Variants in DYNC1I2 observed in about 807,000 individuals in gnomAD.
DYNC1I2 encodes the protein dynein cytoplasmic 1 intermediate chain 2, also known as cytoplasmic dynein 1 intermediate chain 2.
Under a neutral mutation model 88.6 loss-of-function variants are expected in DYNC1I2, and 53 were observed. That is an observed-to-expected ratio of 0.60 (90% confidence interval 0.48 to 0.75). DYNC1I2 has a LOEUF of 0.75. Ranked by LOEUF, DYNC1I2 falls within the 30% of genes least tolerant of loss-of-function variation. DYNC1I2 has a pLI of 0.00. For missense variants in DYNC1I2, 458 were observed against 766.6 expected (o/e 0.60, Z 4.75); for synonymous variants, 198 against 254.6 (o/e 0.78, Z 2.12).
chr2:171,716,627 G>A (rs1687512217), intron 7 of DYNC1I2, among the ~76,000 whole-genome samples: 1 of 152,084 alleles, frequency 6.6e-6, no homozygotes, highest in Admixed American at 6.5e-5. Flanking sequence ...TTAGGATTGT[G>A]GCCGGACGTG....
At chr2:171,721,310 A>G (rs560603275) in intron 7 of DYNC1I2, among the ~76,000 whole-genome samples, 81 of 152,104 alleles carry the variant, frequency 5.3e-4, no homozygotes, top group Non-Finnish European at 9.0e-4. Context: ...AAGAAACCCA[A>G]GTGACCTTGC....
chr2:171,724,421 A>G (rs918583124), intron 7 of DYNC1I2, among the ~76,000 whole-genome samples: 4 of 152,192 alleles, frequency 2.6e-5, no homozygotes, highest in Non-Finnish European at 4.4e-5. Context: ...GGAGAGACAC[A>G]GGATTGGAAG....
chr2:171,728,064 T>C, intron 12 of DYNC1I2, 97 bp downstream of exon 12: 1 of 1,379,852 alleles, frequency 7.2e-7, no homozygotes, highest in Non-Finnish European at 9.6e-7. Flanking sequence ...AGAATGTGCT[T>C]CCTTTGGTGT....
rs1312491510 is a variant in DYNC1I2 at position 171,750,042 on chromosome 2, A to G, written c.*2153A>G. Reference sequence around the variant, plus strand: ...GCTATAGCTTTCTGGTTAATTTCTTATTTTTCGTTGTTTGGTTTTTGTCTT... The same window carrying G: ...GCTATAGCTTTCTGGTTAATTTCTTGTTTTTCGTTGTTTGGTTTTTGTCTT... On this transcript the variant is annotated 3_prime_UTR_variant, in exon 18 of 18. Coordinates refer to ENST00000397119, the MANE Select transcript of DYNC1I2 (RefSeq NM_001378.3). Among the ~76,000 whole-genome samples the G allele has an allele frequency of 1.3e-5, 2 of 151,986 alleles. No homozygotes were observed. The highest frequency in any genetic ancestry group is 2.9e-5 in the Non-Finnish European group (2 of 67,968).
Position 171,744,091 on chromosome 2 carries a change from G to A in DYNC1I2, c.1579G>A (p.Val527Ile). 5 of 1,612,736 alleles carry A rather than the reference G, an allele frequency of 3.1e-6. No homozygotes were observed. Among genetic ancestry groups the A allele is most frequent in the Non-Finnish European group, 4.2e-6 (5 of 1,179,578 alleles). The change falls in exon 16 of 18, where the codon GTT becomes ATT. Residue 527 changes from valine (V) to isoleucine (I), a missense_variant. Around this residue, in one of 5 missense-constraint regions of DYNC1I2, gnomAD observed 188 missense variants for 300.4 expected, o/e 0.63. Coordinates refer to ENST00000397119, the MANE Select transcript of DYNC1I2 (RefSeq NM_001378.3). ...LYSFEDNADY[V>I]YDVMWSPTHP... ...TTCATTTGAAGATAATGCAGACTAT[G>A]TTTATGATGTTATGTGGTCACCTAC...
intron 2 of DYNC1I2, 42 bp from the exon 3 acceptor site, chr2:171,692,735 C>A (rs768230903): frequency 1.4e-6 from 2 of 1,416,284 alleles, no homozygotes; most frequent in Non-Finnish European, 1.9e-6. Context: ...ACAAATTTTT[C>A]ATACTATATG....
At chr2:171,718,652 C>T (rs1687689465) in intron 7 of DYNC1I2, among the ~76,000 whole-genome samples, 1 of 152,096 alleles carries the variant, frequency 6.6e-6, no homozygotes, top group African/African-American at 2.4e-5. Context: ...CCAGGATGGT[C>T]TCGATCTCCT....
At chr2:171,717,924 T>C (rs1687627244) in intron 7 of DYNC1I2, among the ~76,000 whole-genome samples, 1 of 152,190 alleles carries the variant, frequency 6.6e-6, no homozygotes, top group Non-Finnish European at 1.5e-5. Context: ...ATGCCTATTA[T>C]ATCTATAGTT....
At chr2:171,707,150 C>A in intron 4 of DYNC1I2, 137 bp from the exon 5 acceptor site, 14 of 1,225,590 alleles carry the variant, frequency 1.1e-5, no homozygotes, top group African/African-American at 1.5e-5. Flanking sequence ...CATTTTCATT[C>A]ATATATTTTT....
At chr2:171,704,332 CT>C (rs564852352) in intron 3 of DYNC1I2, among the ~76,000 whole-genome samples, 4,233 of 139,360 alleles carry the variant, frequency 0.03, 73 homozygotes, top group Admixed American at 0.081. Context: ...CATGGTTTAG[CT>C]TTTTTTTTTT....
intron 7 of DYNC1I2, among the ~76,000 whole-genome samples, chr2:171,717,717 G>A (rs948437244): frequency 3.9e-5 from 6 of 152,014 alleles, no homozygotes; most frequent in African/African-American, 7.3e-5. Context: ...TAGGAGCTAC[G>A]TTAGTAGATA....
intron 15 of DYNC1I2, among the ~76,000 whole-genome samples, chr2:171,741,407 T>G (rs1574637585): frequency 6.6e-6 from 1 of 152,206 alleles, no homozygotes; most frequent in Non-Finnish European, 1.5e-5. Context: ...GGTATGAAGG[T>G]TCTGATTTCC....
chr2:171,728,001 G>A (rs761503534), intron 12 of DYNC1I2, 34 bp downstream of exon 12: 1 of 1,604,848 alleles, frequency 6.2e-7, no homozygotes, highest in South Asian at 1.1e-5. Context: ...TTAGGCTTCT[G>A]TGCTCCTTCA....
At chr2:171,697,154 C>T (rs1685832051) in intron 3 of DYNC1I2, among the ~76,000 whole-genome samples, 3 of 152,006 alleles carry the variant, frequency 2.0e-5, no homozygotes. Flanking sequence ...GTGCACACCA[C>T]CATGCCCAAC....
chr2:171,728,021 A>T, intron 12 of DYNC1I2, 54 bp downstream of exon 12: 1 of 1,578,960 alleles, frequency 6.3e-7, no homozygotes, highest in Non-Finnish European at 8.6e-7. Flanking sequence ...ATCCTTAGCT[A>T]TAATACTTAG....
Position 171,729,745 on chromosome 2 carries a change from A to G in DYNC1I2, c.1428A>G (p.Gln476=). 6.2e-7 allele frequency: 1 copy of G among 1,613,052 alleles called. No homozygotes were observed. The change falls in exon 15 of 18, where the codon CAA becomes CAG. Residue 476 remains glutamine, a synonymous_variant. Transcript: ENST00000397119. ...TCAGTGAGATGTTTGAGGGGCATCAAGGACCAATCACTGGCATCCATTGTC... is the reference window on the plus strand; with the variant it reads ...TCAGTGAGATGTTTGAGGGGCATCAGGGACCAATCACTGGCATCCATTGTC... ...AGISEMFEGH[Q]GPITGIHCHA...
At chr2:171,747,231 A>ATG (rs1553598925) in intron 17 of DYNC1I2, among the ~76,000 whole-genome samples, 27 of 138,682 alleles carry the variant, frequency 1.9e-4, no homozygotes, top group African/African-American at 6.9e-4. Context: ...ATATATATAT[A>ATG]TGTTATTGGG....
intron 16 of DYNC1I2, 113 bp downstream of exon 16, chr2:171,744,302 G>T: frequency 8.8e-7 from 1 of 1,134,554 alleles, no homozygotes. Context: ...TGTGATTGTA[G>T]ATTCATCACA....
At chr2:171,725,235 A>T (rs951484070) in intron 7 of DYNC1I2, among the ~76,000 whole-genome samples, 2 of 152,192 alleles carry the variant, frequency 1.3e-5, no homozygotes, top group Non-Finnish European at 2.9e-5. Context: ...TGCTATATAA[A>T]ACTATGCAGG....
Sources: gnomAD v4.1 joint callset for allele counts (sites outside exome capture counted in the v4.1 genomes callset) on GRCh38, gnomAD v4.1.1 for gene constraint, gnomAD v4.1.1 regional missense constraint, MANE v1.5 for transcripts, NCBI Gene and HGNC (gene_info 2026-07-23, HGNC 2026-07-21) for gene names.